Variants in PELP1 observed in about 807,000 individuals in gnomAD.
The protein encoded by PELP1 is proline, glutamate and leucine rich protein 1, also known as proline-, glutamic acid- and leucine-rich protein 1.
In PELP1, 32 loss-of-function variants were observed where a neutral mutation model predicts 95.5. That is an observed-to-expected ratio of 0.34 (90% confidence interval 0.25 to 0.45). PELP1 has a LOEUF of 0.45. Ranked by LOEUF, PELP1 falls within the 20% of genes least tolerant of loss-of-function variation. PELP1 has a pLI of 1.00. For missense variants in PELP1, 1,358 were observed against 1,444.8 expected (o/e 0.94, Z 0.97); for synonymous variants, 668 against 600.1 (o/e 1.11, Z -1.65).
intron 3 of PELP1, among the ~76,000 whole-genome samples, chr17:4,683,385 T>C (rs1463879608): frequency 1.3e-5 from 2 of 151,768 alleles, no homozygotes; most frequent in Admixed American, 6.6e-5. Context: ...CACGCCTGAC[T>C]AATTTTTTGT....
rs558935899 is a variant in PELP1 at position 4,676,812 on chromosome 17, C to T, written c.643G>A (p.Gly215Ser). The change falls in exon 6 of 17, where the codon GGC becomes AGC. Residue 215 changes from glycine (G) to serine (S), a missense_variant and splice_region_variant. Around this residue, in one of 7 missense-constraint regions of PELP1, gnomAD observed 538 missense variants for 628.1 expected, o/e 0.86. Transcript: ENST00000572293. ...YFPRACGSLK[G>S]KLASFFLSRV... is the part of the protein sequence containing the mutation. The stretch of plus-strand genomic sequence containing the variant: ...GACAGAAAAAATGAGGCCAGCTTGC[C>T]CTGGATGTGGAGGAAAAAAGGAAGA... 124 of 1,562,112 alleles carry T rather than the reference C, an allele frequency of 7.9e-5. No individual in the cohort carries two copies. The highest frequency in any genetic ancestry group is 1.1e-4 in the Non-Finnish European group (122 of 1,152,790).
chr17:4,675,660 G>A lies in PELP1; in HGVS notation c.1068+137C>T, dbSNP rs150835562. On this transcript the variant is annotated intron_variant, in intron 9 of 16. Transcript: ENST00000572293. The surrounding 1 kb of genome is among the most constrained non-coding windows in gnomAD (Gnocchi z 4.3). ...TGTGTCACGACACATAGGAAGTGAT[G>A]TTATTTGGACAAAAGTAGGAAGCTC... 3.9e-3 allele frequency: 2,838 copies of A among 736,614 alleles called. 7 individuals are homozygous for A. Among genetic ancestry groups the A allele is most frequent in the Non-Finnish European group, 5.5e-3 (2,237 of 403,704 alleles). The allele number at this position is 736,614 out of a possible 1,614,324, so 45.6% of individuals were successfully genotyped here.
chr17:4,683,873 C>G (rs1336046697), intron 3 of PELP1, among the ~76,000 whole-genome samples: 3 of 122,632 alleles, frequency 2.4e-5, no homozygotes, highest in Non-Finnish European at 1.6e-5. Context: ...GGGTCTCACT[C>G]TGTCATCCAG....
intron 1 of PELP1, among the ~76,000 whole-genome samples, chr17:4,692,241 G>A (rs186116251): frequency 6.6e-6 from 1 of 152,252 alleles, no homozygotes; most frequent in African/African-American, 2.4e-5. Flanking sequence ...GCCAAAGCAG[G>A]CGGATCACGA....
At chr17:4,680,434 C>A (rs920329067) in intron 5 of PELP1, among the ~76,000 whole-genome samples, 23 of 152,126 alleles carry the variant, frequency 1.5e-4, no homozygotes, top group African/African-American at 4.3e-4. Context: ...CACACCGCCA[C>A]GCCTGGCTAA....
rs1357591191 is a variant in PELP1, at chr17:4,672,889, CCAGGGCGTGCCGAGGGCA to C, written c.2084_2101del (p.Val695_Pro700del). On this transcript the variant is annotated inframe_deletion, in exon 16 of 17. Transcript: ENST00000572293. Reference sequence around the variant, plus strand: ...TAGGTGGTTGGCTGTGGTGGGAGGTCCAGGGCGTGCCGAGGGCACAGGGCCTGCTGAGGGCATGGGGCC... The same window carrying C: ...TAGGTGGTTGGCTGTGGTGGGAGGTCCAGGGCCTGCTGAGGGCATGGGGCC... The C allele has an allele frequency of 1.9e-6, 3 of 1,613,258 alleles. No homozygotes were observed. Among genetic ancestry groups the C allele is most frequent in the Non-Finnish European group, 2.5e-6 (3 of 1,179,546 alleles).
chr17:4,680,827 T>A (rs1290285979), intron 5 of PELP1, among the ~76,000 whole-genome samples: 1 of 152,252 alleles, frequency 6.6e-6, no homozygotes, highest in Admixed American at 6.5e-5. Context: ...TAGGTATAGT[T>A]GGCATCCAAT....
chr17:4,690,863 A>G (rs776791711), intron 3 of PELP1, 25 bp downstream of exon 3: 2 of 1,435,616 alleles, frequency 1.4e-6, no homozygotes, highest in South Asian at 2.3e-5. Flanking sequence ...AGGAGGAGGA[A>G]GTAGGGCAGC....
At chr17:4,691,610 C>CT (rs1913103265) in intron 1 of PELP1, 168 bp from the exon 2 acceptor site, 1 of 611,248 alleles carries the variant, frequency 1.6e-6, no homozygotes, top group Admixed American at 3.0e-5. Context: ...CCCTTTTTTC[C>CT]TGTGGGAAAG....
At chr17:4,683,809 C>A (rs1188830060) in intron 3 of PELP1, among the ~76,000 whole-genome samples, 2 of 132,986 alleles carry the variant, frequency 1.5e-5, no homozygotes, top group South Asian at 2.5e-4. Context: ...GGATTACAGG[C>A]GTGAGCCACA....
chr17:4,700,241 G>A (rs542823191), intron 1 of PELP1, among the ~76,000 whole-genome samples: 1 of 152,214 alleles, frequency 6.6e-6, no homozygotes, highest in Admixed American at 6.5e-5. Flanking sequence ...TGATGAAAAT[G>A]ATCCAACAAA....
intron 1 of PELP1, among the ~76,000 whole-genome samples, chr17:4,697,002 G>A (rs149571051): frequency 5.3e-5 from 8 of 152,230 alleles, no homozygotes; most frequent in East Asian, 3.9e-4. Context: ...AATAGGCACC[G>A]GCTAGACAAG....
rs1912247063 is a variant in PELP1, at chr17:4,672,297, TTCTTCC to T, written c.2688_2693del (p.Glu907_Glu908del). ...CCTCTTCCTCTTCTTCCTCTTCTTC[TTCTTCC>T]TCTTCTTCCTCTTCCTCCTCCTCTT... is the stretch of plus-strand genomic sequence containing the variant. On this transcript the variant is annotated inframe_deletion, in exon 16 of 17. Transcript: ENST00000572293. 5 of 1,550,976 alleles carry T rather than the reference TTCTTCC, an allele frequency of 3.2e-6. No individual in the cohort carries two copies. The East Asian group carries it at 9.7e-5, about 30-fold the overall frequency.
rs537884817 is a variant in PELP1 at position 4,690,880 on chromosome 17, A to G, written c.420+8T>C. 4.6e-5 allele frequency: 73 copies of G among 1,585,732 alleles called. 1 individual carries two copies. The East Asian group carries it at 1.5e-3, about 33-fold the overall frequency. ...GAGGAGGAAGTAGGGCAGCAGCTGAAACCTCACCTGTAACACCTGCTGAAT... is the reference window on the plus strand; with the variant it reads ...GAGGAGGAAGTAGGGCAGCAGCTGAGACCTCACCTGTAACACCTGCTGAAT... On this transcript the variant is annotated splice_region_variant and intron_variant, in intron 3 of 16. Coordinates refer to ENST00000572293, the MANE Select transcript of PELP1 (RefSeq NM_014389.3).
At chr17:4,684,596 T>C (rs2150559574) in intron 3 of PELP1, among the ~76,000 whole-genome samples, 1 of 124,724 alleles carries the variant, frequency 8.0e-6, no homozygotes, top group South Asian at 3.0e-4. Flanking sequence ...ACTCGCTTTA[T>C]CTCCCTTGAA....
intron 3 of PELP1, 43 bp downstream of exon 3, chr17:4,690,845 G>C (rs2150562640): frequency 8.2e-7 from 1 of 1,223,478 alleles, no homozygotes; most frequent in East Asian, 2.3e-5. Context: ...TGGGGAATAA[G>C]ATGGGGGAGG....
chr17:4,690,007 C>T (rs374313715), intron 3 of PELP1, among the ~76,000 whole-genome samples: 23 of 151,774 alleles, frequency 1.5e-4, no homozygotes, highest in East Asian at 5.8e-4. Context: ...GCCTGGGCGA[C>T]AGAGCAAAAC....
At chr17:4,686,702 G>A (rs1206771245) in intron 3 of PELP1, among the ~76,000 whole-genome samples, 9 of 152,036 alleles carry the variant, frequency 5.9e-5, no homozygotes, top group Non-Finnish European at 1.3e-4. Context: ...ATTTTTAGTA[G>A]AAACAGGGTT....
intron 1 of PELP1, chr17:4,696,474 G>A (rs1224532116): frequency 2.6e-5 from 4 of 152,208 alleles, no homozygotes; most frequent in African/African-American, 7.2e-5. Flanking sequence ...TTAAGGGAGT[G>A]GGACCAGACT....
Sources: gnomAD v4.1 joint callset for allele counts (sites outside exome capture counted in the v4.1 genomes callset) on GRCh38, gnomAD v4.1.1 for gene constraint, gnomAD v4.1.1 regional missense constraint, Gnocchi (gnomAD v3.1) non-coding constraint, MANE v1.5 for transcripts, NCBI Gene and HGNC (gene_info 2026-07-23, HGNC 2026-07-21) for gene names.